BBS9: variants seen among roughly 807,000 people sequenced by gnomAD.
BBS9 encodes the protein Bardet-Biedl syndrome 9.
In BBS9, 89 loss-of-function variants were observed where a neutral mutation model predicts 117.7. The observed-to-expected ratio is 0.76, with a 90% confidence interval of 0.64 to 0.90. The LOEUF (loss-of-function observed/expected upper bound fraction) is 0.90. Among genes scored for constraint, BBS9 ranks in the 40% least tolerant of loss-of-function variants. The pLI is 0.00. For synonymous variants in BBS9, 379 were observed against 370.9 expected (o/e 1.02, Z -0.25); for missense variants, 982 against 1,042.2 (o/e 0.94, Z 0.80).
chr7:33,287,903 A>G (rs1803204853), intron 9 of BBS9, among the ~76,000 whole-genome samples: 1 of 152,180 alleles, frequency 6.6e-6, no homozygotes. Flanking sequence ...ATTGTTTCAT[A>G]CTAAAGAACA....
At chr7:33,480,598 T>C (rs1260633902) in intron 19 of BBS9, among the ~76,000 whole-genome samples, 2 of 152,220 alleles carry the variant, frequency 1.3e-5, no homozygotes, top group African/African-American at 4.8e-5. Flanking sequence ...ATGTTAATCT[T>C]ATTTTTGTGT....
At chr7:33,470,121 C>G (rs1840772723) in intron 19 of BBS9, among the ~76,000 whole-genome samples, 1 of 152,094 alleles carries the variant, frequency 6.6e-6, no homozygotes, top group African/African-American at 2.4e-5. Flanking sequence ...TACTACAATG[C>G]CTGGGGTCAT....
chr7:33,524,378 C>G (rs1054259201), intron 20 of BBS9, among the ~76,000 whole-genome samples: 24 of 152,264 alleles, frequency 1.6e-4, no homozygotes, highest in African/African-American at 5.3e-4. Flanking sequence ...CCATCTGGTC[C>G]TGGACTCTTT....
At chr7:33,248,208 A>G (rs369819621) in intron 5 of BBS9, among the ~76,000 whole-genome samples, 1 of 152,230 alleles carries the variant, frequency 6.6e-6, no homozygotes, top group East Asian at 1.9e-4. Context: ...TTTCCCTGGT[A>G]CATCATTTAA....
rs554404170 is a variant in BBS9 at position 33,187,780 on chromosome 7, G to A, written c.442+10189G>A. ...CTTAAAATACAAAAAAATTAGCTGG[G>A]CACGGTGGTGGGTGCCTGTAATCCC... On this transcript the variant is annotated intron_variant, in intron 5 of 22. Coordinates refer to ENST00000242067, the MANE Select transcript of BBS9 (RefSeq NM_198428.3). 1.3e-4 allele frequency among the ~76,000 whole-genome samples: 20 copies of A among 152,016 alleles called. No homozygotes were observed. The East Asian group carries it at 3.5e-3, about 27-fold the overall frequency.
intron 21 of BBS9, among the ~76,000 whole-genome samples, chr7:33,615,471 A>G (rs1390456653): frequency 6.6e-6 from 1 of 152,058 alleles, no homozygotes; most frequent in Non-Finnish European, 1.5e-5. Flanking sequence ...GCTCATTGGT[A>G]GACTGGACAT....
At chr7:33,353,612 A>G (rs1055125111) in intron 15 of BBS9, among the ~76,000 whole-genome samples, 3 of 149,814 alleles carry the variant, frequency 2.0e-5, no homozygotes, top group Admixed American at 1.3e-4. Flanking sequence ...CCTCTTAGAT[A>G]TAGACTTAAT....
rs115075649 is a variant in BBS9 at position 33,578,202 on chromosome 7, T to C, written c.2522-26663T>C. ...TTTAATTTCTACATAGATCTTGAAA[T>C]AAGGAGGGAAGCTATTACCACCAGT... On this transcript the variant is annotated intron_variant, in intron 21 of 22. Coordinates refer to ENST00000242067, the MANE Select transcript of BBS9 (RefSeq NM_198428.3). Among the ~76,000 whole-genome samples, 1,167 of 152,260 alleles carry C rather than the reference T, an allele frequency of 7.7e-3. 15 individuals are homozygous for C. The highest frequency in any genetic ancestry group is 0.026 in the African/African-American group (1,085 of 41,552).
At chr7:33,590,966 G>A (rs1375906087) in intron 21 of BBS9, among the ~76,000 whole-genome samples, 1 of 152,042 alleles carries the variant, frequency 6.6e-6, no homozygotes, top group Non-Finnish European at 1.5e-5. Flanking sequence ...CAGGCAGTTA[G>A]CTAGAGAGAT....
chr7:33,131,687 G>A (rs1016414786), intron 1 of BBS9, among the ~76,000 whole-genome samples: 2 of 152,166 alleles, frequency 1.3e-5, no homozygotes, highest in African/African-American at 4.8e-5. Flanking sequence ...TGTTTTCACA[G>A]CTGATCATAT....
intron 21 of BBS9, among the ~76,000 whole-genome samples, chr7:33,577,542 C>T (rs1304182927): frequency 1.3e-5 from 2 of 152,116 alleles, no homozygotes; most frequent in African/African-American, 4.8e-5. Flanking sequence ...CCCAGCGATC[C>T]CATTACTGGG....
At chr7:33,253,039 A>G (rs1317475870) in intron 5 of BBS9, among the ~76,000 whole-genome samples, 1 of 152,158 alleles carries the variant, frequency 6.6e-6, no homozygotes, top group Non-Finnish European at 1.5e-5. Flanking sequence ...ACATCTCCCA[A>G]TGAGAATATT....
chr7:33,540,094 C>T (rs1852036103), intron 21 of BBS9, among the ~76,000 whole-genome samples: 1 of 152,144 alleles, frequency 6.6e-6, no homozygotes. Flanking sequence ...CACCCTCTTC[C>T]CCTCAATTAT....
intron 19 of BBS9, among the ~76,000 whole-genome samples, chr7:33,427,888 A>G (rs552610166): frequency 6.6e-6 from 1 of 152,282 alleles, no homozygotes; most frequent in Admixed American, 6.5e-5. Flanking sequence ...ACTAGTTACT[A>G]TTATTATCCT....
At chr7:33,221,043 CTTT>C (rs1301064470) in intron 5 of BBS9, among the ~76,000 whole-genome samples, 2 of 152,222 alleles carry the variant, frequency 1.3e-5, no homozygotes, top group African/African-American at 4.8e-5. Flanking sequence ...CCTAGATTGT[CTTT>C]ACAGACTGAT....
chr7:33,167,437 C>T (rs1382952579), intron 4 of BBS9, among the ~76,000 whole-genome samples: 1 of 144,362 alleles, frequency 6.9e-6, no homozygotes, highest in Non-Finnish European at 1.5e-5. Flanking sequence ...GAGTCTAGCT[C>T]TGTTGCCCAG....
chr7:33,439,074 C>G (rs972616882), intron 19 of BBS9, among the ~76,000 whole-genome samples: 2 of 152,174 alleles, frequency 1.3e-5, no homozygotes, highest in Admixed American at 1.3e-4. Context: ...TATTCTTGGT[C>G]AAGCTTTATG....
chr7:33,523,302 G>C (rs1243340391), intron 20 of BBS9, among the ~76,000 whole-genome samples: 3 of 141,086 alleles, frequency 2.1e-5, no homozygotes, highest in Non-Finnish European at 4.6e-5. Context: ...TTGGTAGCTT[G>C]ATGGGGATGG....
intron 9 of BBS9, among the ~76,000 whole-genome samples, chr7:33,303,517 T>TCA (rs1806949431): frequency 1.5e-5 from 1 of 66,354 alleles, no homozygotes; most frequent in African/African-American, 6.5e-5. Context: ...ACTGAAATGA[T>TCA]CCCCTCCCCC....
Sources: allele counts gnomAD v4.1 joint callset (sites outside exome capture counted in the v4.1 genomes callset), GRCh38; gene constraint gnomAD v4.1.1; transcripts MANE v1.5; gene names NCBI Gene and HGNC (gene_info 2026-07-23, HGNC 2026-07-21).